ZFHX3: variants seen among roughly 807,000 people sequenced by gnomAD.
The protein encoded by ZFHX3 is zinc finger homeobox 3.
Under a neutral mutation model 279.1 loss-of-function variants are expected in ZFHX3, and 42 were observed. The ratio of observed to expected loss-of-function variants is 0.15; its 90% confidence interval spans 0.12 to 0.19. The LOEUF is 0.19. Among genes scored for constraint, ZFHX3 ranks in the 10% least tolerant of loss-of-function variants. The pLI is 1.00. For missense variants in ZFHX3, 4,981 were observed against 4,754.0 expected (o/e 1.05, Z -1.40); for synonymous variants, 2,293 against 1,957.8 (o/e 1.17, Z -4.52).
chr16:73,034,931 C>CCA lies in ZFHX3; in HGVS notation c.-50+12819_-50+12820dup, dbSNP rs1187196952. On this transcript the variant is annotated intron_variant, in intron 1 of 9. Coordinates refer to ENST00000268489, the MANE Select transcript of ZFHX3 (RefSeq NM_006885.4). ...CGCTGTGTGCAGACTGAGCCTGCAC[C>CCA]CATTCCCCAGTAAATGCAAGCAGCT... 2.0e-5 allele frequency among the ~76,000 whole-genome samples: 3 copies of CCA among 152,158 alleles called. No homozygotes were observed. The East Asian group carries it at 5.8e-4, about 29-fold the overall frequency.
intron 3 of ZFHX3, among the ~76,000 whole-genome samples, chr16:73,432,846 T>C (rs12930291): frequency 0.068 from 10,314 of 152,236 alleles, 488 homozygotes; most frequent in South Asian, 0.15. Flanking sequence ...ATGGGTTTTA[T>C]TGAAGTCATT....
chr16:72,866,680 G>A (rs2038032375), intron 4 of ZFHX3, among the ~76,000 whole-genome samples: 1 of 152,196 alleles, frequency 6.6e-6, no homozygotes, highest in South Asian at 2.1e-4. Flanking sequence ...AGATGGAAAA[G>A]GAAATGAGAT....
chr16:72,896,015 A>T (rs1339434331), intron 3 of ZFHX3, among the ~76,000 whole-genome samples: 1 of 152,232 alleles, frequency 6.6e-6, no homozygotes, highest in Non-Finnish European at 1.5e-5. Context: ...TTACTTTCTG[A>T]AATCTTGGAG....
At chr16:73,798,280 G>A (rs1333612307) in intron 1 of ZFHX3, among the ~76,000 whole-genome samples, 1 of 151,982 alleles carries the variant, frequency 6.6e-6, no homozygotes, top group Non-Finnish European at 1.5e-5. Flanking sequence ...CTGGGGGTGG[G>A]GAGGCGGAAT....
chr16:73,777,107 G>A (rs1047369382), intron 1 of ZFHX3, among the ~76,000 whole-genome samples: 1 of 152,062 alleles, frequency 6.6e-6, no homozygotes, highest in South Asian at 2.1e-4. Context: ...CTAACACATC[G>A]ATCCTAATTG....
chr16:72,795,677 C>T lies in ZFHX3; in HGVS notation c.7005G>A (p.Leu2335=). The part of the protein sequence containing the change: ...NLNYQCKKCS[L]VFQRIFDLIK... ...TGAGATCAAAGATGCGCTGAAACAC[C>T]AGGCTACATTTTTTGCACTGGTAGT... The change falls in exon 9 of 10, where the codon CTG becomes CTA. Residue 2335 remains leucine (L), a synonymous_variant. Coordinates refer to ENST00000268489, the MANE Select transcript of ZFHX3 (RefSeq NM_006885.4). 6.2e-7 allele frequency: 1 copy of T among 1,614,084 alleles called. No homozygotes were observed. Among genetic ancestry groups the T allele is most frequent in the South Asian group, 1.1e-5 (1 of 91,072 alleles).
intron 1 of ZFHX3, among the ~76,000 whole-genome samples, chr16:73,845,538 C>G (rs1389886892): frequency 6.6e-6 from 1 of 151,688 alleles, no homozygotes; most frequent in Non-Finnish European, 1.5e-5. Context: ...CATCCATCTT[C>G]ATTTTTTAGA....
At chr16:73,273,030 A>G (rs2014194159) in intron 4 of ZFHX3, among the ~76,000 whole-genome samples, 1 of 152,124 alleles carries the variant, frequency 6.6e-6, no homozygotes, top group African/African-American at 2.4e-5. Flanking sequence ...AACATGTGTG[A>G]GCCACCGTGC....
rs201131334 is a variant in ZFHX3, at chr16:73,302,057, TA to T, written c.-1194+16182del. Among the ~76,000 whole-genome samples the T allele has an allele frequency of 3.1e-4, 46 of 148,576 alleles. 1 individual carries two copies. The highest frequency in any genetic ancestry group is 6.4e-4 in the South Asian group (3 of 4,706). On this transcript the variant is annotated intron_variant, in intron 4 of 17. Transcript: ENST00000641206. ...TTCCAGGTAGTGTTGACCAGGAAAA[TA>T]AAAAAAAAATCCCCTTTTATTAACA...
intron 5 of ZFHX3, among the ~76,000 whole-genome samples, chr16:72,825,563 C>A (rs1037006782): frequency 6.6e-6 from 1 of 152,112 alleles, no homozygotes; most frequent in African/African-American, 2.4e-5. Flanking sequence ...AAAATGATGG[C>A]AAATTGGGAT....
At chr16:73,026,207 A>C (rs1237951961) in intron 1 of ZFHX3, among the ~76,000 whole-genome samples, 4 of 132,402 alleles carry the variant, frequency 3.0e-5, no homozygotes, top group African/African-American at 1.1e-4. Context: ...AAAAAAAAAA[A>C]AAAAAAAAAA....
chr16:73,356,333 T>C (rs1208816534), intron 3 of ZFHX3, among the ~76,000 whole-genome samples: 2 of 150,630 alleles, frequency 1.3e-5, no homozygotes, highest in South Asian at 2.1e-4. Context: ...TGCAGTCTCA[T>C]GTACAGCCCC....
chr16:73,375,527 C>G (rs902631210), intron 3 of ZFHX3, among the ~76,000 whole-genome samples: 2 of 152,274 alleles, frequency 1.3e-5, no homozygotes, highest in African/African-American at 4.8e-5. Context: ...TAGACACACA[C>G]ACACTCCATA....
upstream of ZFHX3, among the ~76,000 whole-genome samples, chr16:73,062,968 A>C (rs547305030): frequency 1.1e-3 from 167 of 152,240 alleles, no homozygotes; most frequent in Non-Finnish European, 1.5e-3. Context: ...TGGGTAGTTA[A>C]CATGATCTAA....
intron 3 of ZFHX3, among the ~76,000 whole-genome samples, chr16:73,404,544 A>C (rs755456401): frequency 2.0e-4 from 30 of 152,238 alleles, no homozygotes; most frequent in Middle Eastern, 3.2e-3. Context: ...GTTTGCAAAT[A>C]TATGAAGATA....
At chr16:73,805,964 T>C (rs1960265361) in intron 1 of ZFHX3, among the ~76,000 whole-genome samples, 1 of 152,130 alleles carries the variant, frequency 6.6e-6, no homozygotes, top group Non-Finnish European at 1.5e-5. Flanking sequence ...ACTGGGTAAT[T>C]TGTAAAGAAA....
chr16:73,250,802 G>A (rs1427545427), intron 5 of ZFHX3, among the ~76,000 whole-genome samples: 1 of 152,162 alleles, frequency 6.6e-6, no homozygotes, highest in Non-Finnish European at 1.5e-5. Context: ...CCAAAGTGCT[G>A]GGATTACAAG....
At chr16:73,585,504 A>C (rs1768417289) in intron 2 of ZFHX3, among the ~76,000 whole-genome samples, 1 of 152,212 alleles carries the variant, frequency 6.6e-6, no homozygotes, top group Non-Finnish European at 1.5e-5. Flanking sequence ...GTGGGGCTTA[A>C]TACCTTGGTG....
At chr16:73,578,777 G>A (rs1351236089) in intron 2 of ZFHX3, among the ~76,000 whole-genome samples, 1 of 152,078 alleles carries the variant, frequency 6.6e-6, no homozygotes, top group Non-Finnish European at 1.5e-5. Flanking sequence ...AAAATAGACA[G>A]CAACATCTAT....
Sources: allele counts gnomAD v4.1 joint callset (sites outside exome capture counted in the v4.1 genomes callset), GRCh38; gene constraint gnomAD v4.1.1; transcripts MANE v1.5; gene names NCBI Gene and HGNC (gene_info 2026-07-23, HGNC 2026-07-21).